GLIS3: variants seen among roughly 807,000 people sequenced by gnomAD.
GLIS3 encodes the protein zinc finger protein GLIS3.
GLIS3 carries 53 observed loss-of-function variants against 78.6 expected under a neutral mutation model. The observed-to-expected ratio is 0.67, with a 90% CI of 0.54 to 0.85. GLIS3 has a LOEUF of 0.85. Ranked by LOEUF, GLIS3 falls within the 40% of genes least tolerant of loss-of-function variation. The probability of loss-of-function intolerance (pLI) is 0.00; values close to 1 mark genes in which losing one functional copy is unlikely to be tolerated. For missense variants in GLIS3, 1,703 were observed against 1,231.1 expected (o/e 1.38, Z -5.74); for synonymous variants, 684 against 509.9 (o/e 1.34, Z -4.60).
chr9:3,857,093 A>C (rs958683072), intron 8 of GLIS3, among the ~76,000 whole-genome samples: 1 of 152,222 alleles, frequency 6.6e-6, no homozygotes, highest in African/African-American at 2.4e-5. Context: ...TATCAAAATG[A>C]TCCTCCAGGT....
At chr9:4,428,231 C>A in the GLIS3 span, among the ~76,000 whole-genome samples, 4 of 152,062 alleles carry the variant, frequency 2.6e-5, no homozygotes, top group East Asian at 1.9e-4. Context: ...GTAATCCCAG[C>A]CCTTTGGGAG....
At chr9:4,056,470 T>C (rs1031724663) in intron 4 of GLIS3, among the ~76,000 whole-genome samples, 5 of 152,172 alleles carry the variant, frequency 3.3e-5, no homozygotes, top group Non-Finnish European at 7.3e-5. Flanking sequence ...AAGTTTCAAA[T>C]GGAATACCTT....
intron 2 of GLIS3, among the ~76,000 whole-genome samples, chr9:4,246,105 G>A (rs1294022188): frequency 2.0e-5 from 3 of 152,064 alleles, no homozygotes; most frequent in Admixed American, 6.6e-5. Flanking sequence ...GGCCAGGCAC[G>A]GTGGCTCATG....
At chr9:4,174,927 ATGAC>A (rs1250781622) in intron 2 of GLIS3, among the ~76,000 whole-genome samples, 8 of 152,230 alleles carry the variant, frequency 5.3e-5, no homozygotes, top group South Asian at 2.1e-4. Context: ...CACAGCAAAT[ATGAC>A]TGACGACGCT....
At chr9:4,438,951 T>C in the GLIS3 span, among the ~76,000 whole-genome samples, 1 of 152,200 alleles carries the variant, frequency 6.6e-6, no homozygotes, top group African/African-American at 2.4e-5. Flanking sequence ...ATAATCCTAC[T>C]CTATAAGTCA....
chr9:3,898,951 C>T, intron 6 of GLIS3, 116 bp from the exon 7 acceptor site: 2 of 1,286,798 alleles, frequency 1.6e-6, no homozygotes, highest in East Asian at 2.4e-5. Context: ...TATCAAGCAG[C>T]AACTACGGGT....
At chr9:4,064,420 T>C (rs975836081) in intron 4 of GLIS3, among the ~76,000 whole-genome samples, 1 of 152,166 alleles carries the variant, frequency 6.6e-6, no homozygotes, top group Admixed American at 6.5e-5. Context: ...AGCACAGAAA[T>C]GATACTTACA....
Position 3,841,433 on chromosome 9 carries a change from G to A in GLIS3, c.2474-11941C>T, listed in dbSNP as rs1191945105. ...TTTGAGGGAACTCTAGCCTCTCTGAGCCTATGATCCCTATTTATAAAAAGA... is the reference window on the plus strand; with the variant it reads ...TTTGAGGGAACTCTAGCCTCTCTGAACCTATGATCCCTATTTATAAAAAGA... On this transcript the variant is annotated intron_variant, in intron 9 of 10. Coordinates refer to ENST00000381971, the MANE Select transcript of GLIS3 (RefSeq NM_001042413.2). 3.3e-5 allele frequency among the ~76,000 whole-genome samples: 5 copies of A among 152,296 alleles called. No homozygotes were observed. In the East Asian group the frequency reaches 9.6e-4, roughly 29 times the overall value.
intron 4 of GLIS3, among the ~76,000 whole-genome samples, chr9:4,026,369 CT>C (rs1224980912): frequency 6.6e-6 from 1 of 152,162 alleles, no homozygotes; most frequent in African/African-American, 2.4e-5. Context: ...AATAATAATG[CT>C]TTTCTGTTAT....
intron 6 of GLIS3, among the ~76,000 whole-genome samples, chr9:3,900,153 G>A (rs947718408): frequency 8.5e-4 from 126 of 148,270 alleles, no homozygotes; most frequent in Middle Eastern, 7.0e-3. Context: ...GGAAGGAGAC[G>A]TTGGATAAAG....
chr9:4,376,342 C>G, the GLIS3 span, among the ~76,000 whole-genome samples: 1 of 152,092 alleles, frequency 6.6e-6, no homozygotes, highest in Non-Finnish European at 1.5e-5. Flanking sequence ...ATTTCAGAGG[C>G]TGAAGATTGT....
At chr9:4,037,290 A>T (rs1348759758) in intron 4 of GLIS3, among the ~76,000 whole-genome samples, 1 of 152,096 alleles carries the variant, frequency 6.6e-6, no homozygotes, top group Non-Finnish European at 1.5e-5. Context: ...TTGCATTCTA[A>T]TTCTGTCACT....
chr9:4,111,762 A>T (rs1934662), intron 4 of GLIS3, among the ~76,000 whole-genome samples: 37,353 of 152,170 alleles, frequency 0.25, 5,297 homozygotes, highest in South Asian at 0.39. Flanking sequence ...TTTTAAATCA[A>T]GGAGTTTGCT....
the GLIS3 span, among the ~76,000 whole-genome samples, chr9:4,483,755 A>G: frequency 6.6e-6 from 1 of 151,420 alleles, no homozygotes; most frequent in Non-Finnish European, 1.5e-5. Flanking sequence ...GTGTTGGTTA[A>G]GTGCACAAAT....
intron 2 of GLIS3, among the ~76,000 whole-genome samples, chr9:4,230,638 G>A (rs1822173207): frequency 6.6e-6 from 1 of 152,138 alleles, no homozygotes; most frequent in Non-Finnish European, 1.5e-5. Flanking sequence ...CACAGAGCAG[G>A]GAAATATAAG....
At chr9:3,995,561 G>T (rs1820678760) in intron 4 of GLIS3, among the ~76,000 whole-genome samples, 1 of 151,928 alleles carries the variant, frequency 6.6e-6, no homozygotes, top group Admixed American at 6.5e-5. Flanking sequence ...TTTTAAAAAA[G>T]AAAAATGAAT....
the GLIS3 span, among the ~76,000 whole-genome samples, chr9:4,417,983 C>A: frequency 6.6e-6 from 1 of 152,320 alleles, no homozygotes; most frequent in East Asian, 1.9e-4. Flanking sequence ...AAACTTTGCA[C>A]AATATCTAGC....
upstream of GLIS3, among the ~76,000 whole-genome samples, chr9:4,352,915 T>C (rs1343393341): frequency 1.3e-5 from 2 of 152,248 alleles, no homozygotes; most frequent in African/African-American, 4.8e-5. Context: ...CAGTTTTCTA[T>C]ACATTTAGTA....
intron 4 of GLIS3, among the ~76,000 whole-genome samples, chr9:4,032,942 C>A (rs536797026): frequency 3.1e-4 from 47 of 152,278 alleles, no homozygotes; most frequent in African/African-American, 7.9e-4. Flanking sequence ...CAAGCTCCGC[C>A]TCCCGGGTTC....
Sources: gnomAD v4.1 joint callset for allele counts (sites outside exome capture counted in the v4.1 genomes callset) on GRCh38, gnomAD v4.1.1 for gene constraint, MANE v1.5 for transcripts, NCBI Gene and HGNC (gene_info 2026-07-23, HGNC 2026-07-21) for gene names.